Variants in PPA2 observed in about 807,000 individuals in gnomAD.
PPA2 encodes the protein inorganic pyrophosphatase 2.
A neutral mutation model predicts 49.5 loss-of-function variants in PPA2; 48 were observed. That is an observed-to-expected ratio of 0.97 (90% CI 0.77 to 1.23). The LOEUF (loss-of-function observed/expected upper bound fraction) is 1.23. PPA2 is among the 50% of genes most tolerant of loss of function. The probability of loss-of-function intolerance (pLI) is 0.00; values close to 1 mark genes in which losing one functional copy is unlikely to be tolerated. For missense variants in PPA2, 429 were observed against 410.1 expected (o/e 1.05, Z -0.40); for synonymous variants, 131 against 139.9 (o/e 0.94, Z 0.45).
intron 7 of PPA2, among the ~76,000 whole-genome samples, chr4:105,422,040 CA>C (rs958672735): frequency 6.7e-6 from 1 of 149,416 alleles, no homozygotes; most frequent in East Asian, 2.0e-4. Context: ...GAGACTGCCT[CA>C]AAAAAAAACT....
chr4:105,382,363 T>G (rs2110369809), intron 10 of PPA2, among the ~76,000 whole-genome samples: 1 of 152,330 alleles, frequency 6.6e-6, no homozygotes, highest in East Asian at 1.9e-4. Context: ...ATTATGTATG[T>G]GCATTAGATT....
chr4:105,388,321 T>A (rs1208363198), intron 9 of PPA2, among the ~76,000 whole-genome samples: 6 of 151,968 alleles, frequency 3.9e-5, no homozygotes, highest in Non-Finnish European at 7.4e-5. Context: ...AATCCCCTAC[T>A]CTTACAACAA....
In PPA2 at chr4:105,473,982, A is replaced by C; in HGVS notation, c.69T>G (p.Ser23Arg). Reference sequence around the variant, plus strand: ...TAGCACGGCGCGACCCGGTCCCTGCACTGGTCCCCAACCGCAGGCACGCAG... The same window carrying C: ...TAGCACGGCGCGACCCGGTCCCTGCCCTGGTCCCCAACCGCAGGCACGCAG... ...PAAACLRLGT[S>R]AGTGSRRAMA... is the part of the protein sequence containing the mutation. Residue 23 changes from serine (S) to arginine (R), a missense_variant, in exon 1 of 12, where the codon AGT becomes AGG. Coordinates refer to ENST00000341695, the MANE Select transcript of PPA2 (RefSeq NM_176869.3). 6.2e-7 allele frequency: 1 copy of C among 1,610,038 alleles called. No individual in the cohort carries two copies. Among genetic ancestry groups the C allele is most frequent in the Non-Finnish European group, 8.5e-7 (1 of 1,178,548 alleles).
intron 11 of PPA2, 98 bp from the exon 12 acceptor site, chr4:105,369,851 T>TA: frequency 8.8e-7 from 1 of 1,131,032 alleles, no homozygotes. Flanking sequence ...AGGAAGTATT[T>TA]AGGCAGATAC....
At chr4:105,434,354 T>C (rs1723952340) in intron 6 of PPA2, among the ~76,000 whole-genome samples, 1 of 152,212 alleles carries the variant, frequency 6.6e-6, no homozygotes, top group African/African-American at 2.4e-5. Flanking sequence ...AAGTTGGCTA[T>C]ACTGGTTAAT....
At chr4:105,449,444 T>C in intron 3 of PPA2, 41 bp from the exon 4 acceptor site, 2 of 1,348,986 alleles carry the variant, frequency 1.5e-6, no homozygotes, top group Non-Finnish European at 2.1e-6. Context: ...ATTAAAAATT[T>C]TACCTTTTAT....
At chr4:105,410,154 C>T (rs1722682734) in intron 7 of PPA2, among the ~76,000 whole-genome samples, 1 of 152,116 alleles carries the variant, frequency 6.6e-6, no homozygotes, top group Non-Finnish European at 1.5e-5. Flanking sequence ...CGCAAAGAAG[C>T]TAAAAACCTT....
chr4:105,401,750 T>C (rs933809076), intron 7 of PPA2, among the ~76,000 whole-genome samples: 1 of 152,202 alleles, frequency 6.6e-6, no homozygotes, highest in African/African-American at 2.4e-5. Flanking sequence ...CTAATTTTGA[T>C]TACAAATTAA....
At chr4:105,456,253 CT>C in intron 2 of PPA2, 1 of 473,054 alleles carries the variant, frequency 2.1e-6, no homozygotes, top group Admixed American at 2.3e-5. Flanking sequence ...CTTACCAGAT[CT>C]TAGACAAGTC....
chr4:105,405,749 C>G (rs963927079), intron 7 of PPA2: 11 of 658,864 alleles, frequency 1.7e-5, no homozygotes, highest in Non-Finnish European at 2.6e-5. Flanking sequence ...AGATTAACAT[C>G]AAAAAGACTC....
intron 3 of PPA2, among the ~76,000 whole-genome samples, chr4:105,451,223 G>A (rs2110309310): frequency 6.6e-6 from 1 of 152,272 alleles, no homozygotes; most frequent in East Asian, 1.9e-4. Context: ...AAGCATTGCT[G>A]AAGAGTATCA....
intron 9 of PPA2, among the ~76,000 whole-genome samples, chr4:105,391,667 G>GAAAGACA (rs1250060964): frequency 1.3e-5 from 2 of 152,122 alleles, no homozygotes; most frequent in Non-Finnish European, 2.9e-5. Context: ...GTCCACCAAA[G>GAAAGACA]AAAGACAAGG....
At position 105,450,601 on chromosome 4, in the gene PPA2, C is replaced by CTTTTTTTTTT. The variant is rs575896250; in HGVS notation, c.268-1208_268-1199dup. On this transcript the variant is annotated intron_variant, in intron 3 of 11. Transcript: ENST00000341695. ...ATGCTGGCCAGGCTGGTCTGGAATT[C>CTTTTTTTTTT]TTTTTTTTTTTTTTTTTTTTTTTTG... 6.2e-3 allele frequency among the ~76,000 whole-genome samples: 512 copies of CTTTTTTTTTT among 82,616 alleles called. 66 individuals are homozygous for CTTTTTTTTTT. Among genetic ancestry groups the CTTTTTTTTTT allele is most frequent in the Non-Finnish European group, 8.9e-3 (385 of 43,382 alleles). The allele number at this position is 82,616 out of a possible 152,430, so 54.2% of individuals were successfully genotyped here. A position where few individuals can be genotyped will look rare whatever the true frequency, so the allele number is the denominator to read the frequency against.
chr4:105,460,680 A>G (rs1351586654), intron 1 of PPA2, among the ~76,000 whole-genome samples: 2 of 152,206 alleles, frequency 1.3e-5, no homozygotes, highest in African/African-American at 4.8e-5. Context: ...CCAGGAAGTT[A>G]CACAAACAAG....
chr4:105,457,316 G>A (rs867782423), intron 1 of PPA2, among the ~76,000 whole-genome samples: 38 of 152,114 alleles, frequency 2.5e-4, no homozygotes, highest in Admixed American at 6.5e-4. Context: ...ATACCAAAAT[G>A]TGTATTTTAA....
intron 10 of PPA2, among the ~76,000 whole-genome samples, chr4:105,374,907 G>C (rs1356307992): frequency 1.3e-5 from 2 of 148,692 alleles, no homozygotes; most frequent in Non-Finnish European, 3.0e-5. Context: ...GGCCAGGCTG[G>C]TCTGGAACTC....
chr4:105,400,879 A>T (rs1734337106), intron 7 of PPA2, among the ~76,000 whole-genome samples: 1 of 152,166 alleles, frequency 6.6e-6, no homozygotes, highest in South Asian at 2.1e-4. Context: ...AAAAACTGAA[A>T]ATTTTATAAT....
intron 1 of PPA2, among the ~76,000 whole-genome samples, chr4:105,461,650 G>A (rs1409836771): frequency 6.6e-6 from 1 of 152,152 alleles, no homozygotes; most frequent in Non-Finnish European, 1.5e-5. Flanking sequence ...TGGCCAAAAG[G>A]AGACCCATTC....
At chr4:105,383,236 T>A (rs1733560796) in intron 10 of PPA2, among the ~76,000 whole-genome samples, 1 of 152,222 alleles carries the variant, frequency 6.6e-6, no homozygotes, top group Admixed American at 6.5e-5. Context: ...ATCATTTTGA[T>A]CATTTAAATT....
Sources: gnomAD v4.1 joint callset for allele counts (sites outside exome capture counted in the v4.1 genomes callset) on GRCh38, gnomAD v4.1.1 for gene constraint, MANE v1.5 for transcripts, NCBI Gene and HGNC (gene_info 2026-07-23, HGNC 2026-07-21) for gene names.